Variants in CSMD1 observed in about 807,000 individuals in gnomAD.
CSMD1 encodes CUB and Sushi multiple domains 1, also known as CUB and sushi domain-containing protein 1.
In CSMD1, 213 loss-of-function variants were observed where a neutral mutation model predicts 417.5. The ratio of observed to expected loss-of-function variants is 0.51; its 90% CI spans 0.46 to 0.57. CSMD1 has a LOEUF of 0.57. Ranked by LOEUF, CSMD1 falls within the 20% of genes least tolerant of loss-of-function variation. CSMD1 has a pLI of 0.00. For synonymous variants in CSMD1, 2,862 were observed against 1,736.8 expected (o/e 1.65, Z -16.11); for missense variants, 6,923 against 4,529.7 (o/e 1.53, Z -15.17).
At chr8:4,213,079 A>G (rs1384859061) in intron 3 of CSMD1, among the ~76,000 whole-genome samples, 1 of 152,150 alleles carries the variant, frequency 6.6e-6, no homozygotes, top group Non-Finnish European at 1.5e-5. Context: ...AATGTCTAAG[A>G]TGGAAGAATA....
At chr8:3,707,768 C>T (rs1801254909) in intron 7 of CSMD1, among the ~76,000 whole-genome samples, 1 of 152,148 alleles carries the variant, frequency 6.6e-6, no homozygotes, top group Admixed American at 6.5e-5. Context: ...CAGAGAAGCA[C>T]CATGACCCAG....
intron 3 of CSMD1, among the ~76,000 whole-genome samples, chr8:4,147,749 C>G (rs541202756): frequency 6.6e-6 from 1 of 152,078 alleles, no homozygotes; most frequent in Non-Finnish European, 1.5e-5. Flanking sequence ...TAACAACCCC[C>G]GGCAAGCCAT....
chr8:3,021,277 A>G (rs1170000024), intron 51 of CSMD1, among the ~76,000 whole-genome samples: 1 of 152,240 alleles, frequency 6.6e-6, no homozygotes, highest in African/African-American at 2.4e-5. Flanking sequence ...AGAAGAAGTA[A>G]TGGAGCAAAA....
At chr8:3,962,608 G>A (rs944918938) in intron 5 of CSMD1, among the ~76,000 whole-genome samples, 9 of 152,280 alleles carry the variant, frequency 5.9e-5, no homozygotes, top group African/African-American at 1.9e-4. Flanking sequence ...AAGAGGAAAG[G>A]AGAGGATCAT....
At chr8:4,196,441 G>T (rs909907367) in intron 3 of CSMD1, among the ~76,000 whole-genome samples, 2 of 152,094 alleles carry the variant, frequency 1.3e-5, no homozygotes, top group East Asian at 1.9e-4. Context: ...CCTTTCTGAA[G>T]CCTCTTAGGG....
At chr8:3,503,844 A>C (rs564936343) in intron 10 of CSMD1, among the ~76,000 whole-genome samples, 28,078 of 112,478 alleles carry the variant, frequency 0.25, 2,802 homozygotes, top group South Asian at 0.33. Context: ...CCCCCCCCCA[A>C]CCCCCACACT....
At chr8:4,070,604 A>G (rs548749252) in intron 3 of CSMD1, among the ~76,000 whole-genome samples, 25 of 151,972 alleles carry the variant, frequency 1.6e-4, no homozygotes, top group South Asian at 4.2e-4. Flanking sequence ...TGATCCACCC[A>G]CCTCGGCCTC....
intron 1 of CSMD1, among the ~76,000 whole-genome samples, chr8:4,853,735 G>T (rs568376198): frequency 1.3e-5 from 2 of 152,134 alleles, no homozygotes; most frequent in African/African-American, 2.4e-5. Flanking sequence ...ATGCAATCTC[G>T]TCATGGAAAA....
At chr8:4,304,581 G>A (rs4615596) in intron 3 of CSMD1, among the ~76,000 whole-genome samples, 151,391 of 152,190 alleles carry the variant, frequency 0.99, 75,300 homozygotes, top group Middle Eastern at 1. Flanking sequence ...AAATTGCTTT[G>A]AAATGTCAAA....
chr8:4,112,179 T>G (rs531808938), intron 3 of CSMD1, among the ~76,000 whole-genome samples: 19 of 152,306 alleles, frequency 1.2e-4, no homozygotes, highest in African/African-American at 4.6e-4. Context: ...AGTCTATAGC[T>G]GCTGAGCCAT....
chr8:4,017,479 T>TC (rs1425181467), intron 4 of CSMD1, among the ~76,000 whole-genome samples: 1 of 152,026 alleles, frequency 6.6e-6, no homozygotes, highest in Non-Finnish European at 1.5e-5. Context: ...GCTAATTTTG[T>TC]TTTTTTAGTA....
intron 8 of CSMD1, 35 bp downstream of exon 8, chr8:3,616,675 A>G: frequency 7.5e-7 from 1 of 1,330,594 alleles, no homozygotes; most frequent in Non-Finnish European, 1.1e-6. Flanking sequence ...TCTTAAAAAT[A>G]ACATGCTTTT....
At chr8:4,875,526 T>C (rs1013554950) in intron 1 of CSMD1, among the ~76,000 whole-genome samples, 3 of 152,054 alleles carry the variant, frequency 2.0e-5, no homozygotes, top group African/African-American at 7.3e-5. Context: ...GGCATTTGTC[T>C]AGCGCCATCT....
chr8:4,605,026 A>T (rs1800792349), intron 2 of CSMD1, among the ~76,000 whole-genome samples: 1 of 152,150 alleles, frequency 6.6e-6, no homozygotes, highest in Admixed American at 6.5e-5. Context: ...AACAACCCCC[A>T]TGATATCTGT....
chr8:4,467,492 G>C (rs74811751), intron 2 of CSMD1, among the ~76,000 whole-genome samples: 3,239 of 152,260 alleles, frequency 0.021, 125 homozygotes, highest in African/African-American at 0.072. Flanking sequence ...GTGGCCAGAG[G>C]ATAGAGTTCT....
chr8:4,169,419 C>A (rs1450339317), intron 3 of CSMD1, among the ~76,000 whole-genome samples: 1 of 152,120 alleles, frequency 6.6e-6, no homozygotes, highest in Admixed American at 6.5e-5. Context: ...GTCTTTTTCT[C>A]ACATCCCACC....
chr8:4,537,350 T>C (rs566459315), intron 2 of CSMD1, among the ~76,000 whole-genome samples: 7 of 152,322 alleles, frequency 4.6e-5, no homozygotes, highest in Admixed American at 1.3e-4. Context: ...TGAGAGATTA[T>C]TATATAAAGA....
intron 18 of CSMD1, chr8:3,373,825 G>T (rs1181491716): frequency 6.6e-6 from 1 of 152,084 alleles, no homozygotes; most frequent in Non-Finnish European, 1.5e-5. Flanking sequence ...CAACACCAAG[G>T]ATGCAGGTAT....
chr8:3,434,633 C>G (rs1296758538), intron 12 of CSMD1, among the ~76,000 whole-genome samples: 1 of 152,154 alleles, frequency 6.6e-6, no homozygotes, highest in Non-Finnish European at 1.5e-5. Flanking sequence ...AGTGTTAAAT[C>G]TCAACCTAAT....
Sources: allele counts gnomAD v4.1 joint callset (sites outside exome capture counted in the v4.1 genomes callset), GRCh38; gene constraint gnomAD v4.1.1; transcripts MANE v1.5; gene names NCBI Gene and HGNC (gene_info 2026-07-23, HGNC 2026-07-21).